Variants in LDLRAD4 observed in about 807,000 individuals in gnomAD.
LDLRAD4 encodes low-density lipoprotein receptor class A domain-containing protein 4.
Under a neutral mutation model 17.0 loss-of-function variants are expected in LDLRAD4, and 5 were observed. That is an observed-to-expected ratio of 0.29 (90% CI 0.15 to 0.62). The LOEUF is 0.62. Among genes scored for constraint, LDLRAD4 ranks in the 20% least tolerant of loss-of-function variants. The probability of loss-of-function intolerance (pLI) is 0.84; values close to 1 mark genes in which losing one functional copy is unlikely to be tolerated. For synonymous variants in LDLRAD4, 168 were observed against 171.8 expected (o/e 0.98, Z 0.17); for missense variants, 340 against 424.7 (o/e 0.80, Z 1.75).
At chr18:13,325,922 G>T (rs1331506914) in intron 1 of LDLRAD4, among the ~76,000 whole-genome samples, 1 of 151,974 alleles carries the variant, frequency 6.6e-6, no homozygotes, top group Non-Finnish European at 1.5e-5. Context: ...CTGCCACCAC[G>T]CGGAGCTAAT....
At chr18:13,263,054 G>C (rs916246459) in intron 1 of LDLRAD4, among the ~76,000 whole-genome samples, 2 of 135,068 alleles carry the variant, frequency 1.5e-5, no homozygotes, top group Non-Finnish European at 3.1e-5. Context: ...GCCGAGTCCC[G>C]TGCGGCTCTG....
chr18:13,456,425 G>A (rs1403421511), intron 3 of LDLRAD4, among the ~76,000 whole-genome samples: 2 of 152,196 alleles, frequency 1.3e-5, no homozygotes, highest in Non-Finnish European at 2.9e-5. Context: ...CGTGCGTCAC[G>A]CTATCCAGGC....
Position 13,621,708 on chromosome 18 carries a change from C to T in LDLRAD4, c.336+437C>T, listed in dbSNP as rs1344274737. Among the ~76,000 whole-genome samples the T allele has an allele frequency of 2.0e-5, 3 of 152,194 alleles. No individual in the cohort carries two copies. The highest frequency in any genetic ancestry group is 2.9e-5 in the Non-Finnish European group (2 of 68,036). ...AAATCACGCGCTCATCGTCACTAAA[C>T]GTGCCGGCAGCACATGGGTGCCATG... On this transcript the variant is annotated intron_variant, in intron 4 of 5. Coordinates refer to ENST00000359446, the Ensembl canonical transcript of LDLRAD4. This position sits in a 1 kb window ranked among gnomAD's most constrained non-coding sequence, Gnocchi z 5.5.
At chr18:13,387,688 C>G (rs754870494) in exon 2 of LDLRAD4, 2 of 1,611,388 alleles carry the variant, frequency 1.2e-6, no homozygotes, top group Non-Finnish European at 1.7e-6. Context: ...CGGGACAGCG[C>G]AAGAGTTGGA....
chr18:13,459,583 A>G (rs531115225), intron 3 of LDLRAD4, among the ~76,000 whole-genome samples: 17 of 152,094 alleles, frequency 1.1e-4, no homozygotes, highest in African/African-American at 4.1e-4. Context: ...GGGTTTCACC[A>G]TGTTGGCCAG....
intron 3 of LDLRAD4, among the ~76,000 whole-genome samples, chr18:13,462,884 G>T (rs1264516750): frequency 6.6e-6 from 1 of 152,144 alleles, no homozygotes; most frequent in Non-Finnish European, 1.5e-5. Flanking sequence ...ACTCGGTGAG[G>T]ATAGTATACT....
chr18:13,389,505 A>G (rs983117962), intron 2 of LDLRAD4, among the ~76,000 whole-genome samples: 5 of 152,208 alleles, frequency 3.3e-5, no homozygotes, highest in Admixed American at 6.5e-5. Flanking sequence ...TGATGTAAAG[A>G]AGCTCTTCAG....
chr18:13,347,500 T>TA, intron 1 of LDLRAD4, among the ~76,000 whole-genome samples: 1 of 152,314 alleles, frequency 6.6e-6, no homozygotes, highest in Admixed American at 6.5e-5. Context: ...TGACTGCCCT[T>TA]AAAATTTTTT....
At chr18:13,492,641 A>C (rs1251281735) in intron 3 of LDLRAD4, among the ~76,000 whole-genome samples, 1 of 152,212 alleles carries the variant, frequency 6.6e-6, no homozygotes, top group African/African-American at 2.4e-5. Context: ...GCCCTCCAGC[A>C]GGTGTCCCAG....
At chr18:13,454,843 C>CCA (rs2092039691) in intron 3 of LDLRAD4, among the ~76,000 whole-genome samples, 1 of 152,230 alleles carries the variant, frequency 6.6e-6, no homozygotes, top group Admixed American at 6.5e-5. Flanking sequence ...GGAGATCAGA[C>CCA]CACTCCAAGC....
exon 3 of LDLRAD4, chr18:13,438,339 A>C: frequency 6.2e-7 from 1 of 1,614,026 alleles, no homozygotes; most frequent in Non-Finnish European, 8.5e-7. Context: ...TGACGAAGAG[A>C]ACTGTCTCCT....
intron 1 of LDLRAD4, among the ~76,000 whole-genome samples, chr18:13,231,841 G>T (rs2042094374): frequency 6.6e-6 from 1 of 152,154 alleles, no homozygotes; most frequent in Non-Finnish European, 1.5e-5. Flanking sequence ...CTCTAATGTG[G>T]CTATTAGCTG....
chr18:13,568,719 C>T (rs949139727), intron 3 of LDLRAD4, among the ~76,000 whole-genome samples: 3 of 152,150 alleles, frequency 2.0e-5, no homozygotes, highest in Admixed American at 6.6e-5. Context: ...CTGTGGCCTT[C>T]GTTATAATTT....
intron 1 of LDLRAD4, among the ~76,000 whole-genome samples, chr18:13,305,153 A>G (rs1184641186): frequency 6.6e-6 from 1 of 152,208 alleles, no homozygotes; most frequent in African/African-American, 2.4e-5. Context: ...ATATATGTAG[A>G]TACTAGTCTA....
intron 3 of LDLRAD4, chr18:13,465,068 G>A (rs1047384262): frequency 1.3e-5 from 2 of 152,232 alleles, no homozygotes; most frequent in Non-Finnish European, 2.9e-5. Flanking sequence ...AGCTAAATGG[G>A]GGCCTCTCCA....
At chr18:13,604,003 T>C (rs2095194395) in intron 3 of LDLRAD4, among the ~76,000 whole-genome samples, 2 of 152,256 alleles carry the variant, frequency 1.3e-5, no homozygotes, top group South Asian at 4.1e-4. Flanking sequence ...GAGCCATGAA[T>C]TCTTGTCTTC....
rs180720577 is a variant in LDLRAD4 at position 13,339,806 on chromosome 18, G to C, written c.-382-47535G>C. Among the ~76,000 whole-genome samples the C allele has an allele frequency of 2.3e-3, 354 of 152,202 alleles. 1 individual carries two copies. The highest frequency in any genetic ancestry group is 3.6e-3 in the Admixed American group (55 of 15,292). On this transcript the variant is annotated intron_variant, in intron 1 of 5. Transcript: ENST00000359446. ...AATATATATAACATTAAAATTGACA[G>C]TTTTAATAATTTTTAAGTGTACAGT...
intron 3 of LDLRAD4, among the ~76,000 whole-genome samples, chr18:13,497,476 G>A (rs1251392942): frequency 6.6e-6 from 1 of 151,126 alleles, no homozygotes; most frequent in Non-Finnish European, 1.5e-5. Flanking sequence ...ACTGGGCCTG[G>A]CAAAAGGGTG....
intron 3 of LDLRAD4, chr18:13,501,350 G>A (rs1600879707): frequency 1.3e-5 from 2 of 152,294 alleles, no homozygotes; most frequent in South Asian, 4.1e-4. Context: ...GAGAGATTTT[G>A]GCATTAAACC....
Sources: gnomAD v4.1 joint callset for allele counts (sites outside exome capture counted in the v4.1 genomes callset) on GRCh38, gnomAD v4.1.1 for gene constraint, Gnocchi (gnomAD v3.1) non-coding constraint, MANE v1.5 for transcripts, NCBI Gene and HGNC (gene_info 2026-07-23, HGNC 2026-07-21) for gene names.